ZCWPW2: variants seen among roughly 807,000 people sequenced by gnomAD.
ZCWPW2 encodes zinc finger CW-type PWWP domain protein 2.
Under a neutral mutation model 46.6 loss-of-function variants are expected in ZCWPW2, and 45 were observed. The observed-to-expected ratio is 0.96, with a 90% CI of 0.76 to 1.24. The LOEUF is 1.24. Ranked by LOEUF, ZCWPW2 falls within the 50% of genes most tolerant of loss-of-function variation. ZCWPW2 has a pLI of 0.00. For missense variants in ZCWPW2, 429 were observed against 403.9 expected (o/e 1.06, Z -0.53); for synonymous variants, 152 against 137.1 (o/e 1.11, Z -0.76).
chr3:28,483,915 TATC>T lies in ZCWPW2; in HGVS notation c.610+4987_610+4989del, dbSNP rs548719981. 2.7e-3 allele frequency among the ~76,000 whole-genome samples: 410 copies of T among 152,316 alleles called. 2 individuals carry two copies. Among genetic ancestry groups the T allele is most frequent in the Middle Eastern group, 0.01 (3 of 294 alleles). ...TTTGGATTTACTACATAGACAATCATATCATGTGCAGCGAGAGTTTTATTTCTT... is the reference window on the plus strand; with the variant it reads ...TTTGGATTTACTACATAGACAATCATATGTGCAGCGAGAGTTTTATTTCTT... On this transcript the variant is annotated intron_variant, in intron 5 of 9. Transcript: ENST00000383768.
intron 3 of ZCWPW2, among the ~76,000 whole-genome samples, 176 bp downstream of exon 3, chr3:28,413,576 T>C (rs768729871): frequency 6.6e-5 from 10 of 152,118 alleles, no homozygotes; most frequent in Non-Finnish European, 1.0e-4. Context: ...GAAAGTTAGG[T>C]AACTGAATTC....
chr3:28,509,019 C>A (rs1291985043), intron 6 of ZCWPW2, among the ~76,000 whole-genome samples: 1 of 152,148 alleles, frequency 6.6e-6, no homozygotes, highest in African/African-American at 2.4e-5. Flanking sequence ...TTAGCCATCA[C>A]TGCCCATTTC....
At chr3:28,360,349 C>CAAAAAAAAAAA (rs71087692) in intron 1 of ZCWPW2, among the ~76,000 whole-genome samples, 43 of 53,894 alleles carry the variant, frequency 8.0e-4, no homozygotes, top group African/African-American at 1.0e-3. Context: ...ACTAAAAATA[C>CAAAAAAAAAAA]AAAAAAAAAA....
intron 3 of ZCWPW2, among the ~76,000 whole-genome samples, chr3:28,433,074 A>G (rs1697332711): frequency 6.6e-6 from 1 of 151,310 alleles, no homozygotes. Context: ...CCCCACTTCA[A>G]TAAGCAAAGC....
intron 2 of ZCWPW2, among the ~76,000 whole-genome samples, chr3:28,409,416 G>A (rs1047570255): frequency 1.4e-5 from 2 of 144,240 alleles, no homozygotes; most frequent in African/African-American, 5.8e-5. Flanking sequence ...AACCATGCCC[G>A]GCCACTGTTT....
In ZCWPW2 at chr3:28,376,617, G is replaced by C. The variant is rs567028204; in HGVS notation, c.-133-13881G>C. ...CTGCTCAGTGTTTTCACTTCTCTTT[G>C]GACACAGGGATTGCTTCATCCTCAG... On this transcript the variant is annotated intron_variant, in intron 1 of 9. Transcript: ENST00000383768. 3.9e-5 allele frequency among the ~76,000 whole-genome samples: 6 copies of C among 152,140 alleles called. No individual in the cohort carries two copies. In the East Asian group the frequency reaches 1.2e-3, roughly 29 times the overall value.
At chr3:28,435,051 G>A (rs1415209502) in intron 3 of ZCWPW2, 59 bp from the exon 4 acceptor site, 16 of 1,569,874 alleles carry the variant, frequency 1.0e-5, no homozygotes, top group South Asian at 2.3e-5. Context: ...ATTGATAGAC[G>A]TGTTGATGTC....
At chr3:28,487,012 G>GT (rs898052881) in intron 5 of ZCWPW2, among the ~76,000 whole-genome samples, 5 of 151,254 alleles carry the variant, frequency 3.3e-5, no homozygotes, top group Non-Finnish European at 7.4e-5. Context: ...CTATTGGTAA[G>GT]TTTTTTTTTC....
At chr3:28,455,112 G>A (rs1050685831) in intron 4 of ZCWPW2, among the ~76,000 whole-genome samples, 6 of 152,186 alleles carry the variant, frequency 3.9e-5, no homozygotes, top group Non-Finnish European at 8.8e-5. Context: ...CAGTGTAGAA[G>A]TATTCCCTTT....
intron 2 of ZCWPW2, among the ~76,000 whole-genome samples, chr3:28,400,159 G>T (rs1695864830): frequency 6.6e-6 from 1 of 152,066 alleles, no homozygotes; most frequent in Non-Finnish European, 1.5e-5. Context: ...CTCAGCAATA[G>T]AATGGAACAA....
intron 5 of ZCWPW2, among the ~76,000 whole-genome samples, chr3:28,488,699 T>C (rs536770453): frequency 2.6e-5 from 4 of 152,192 alleles, no homozygotes; most frequent in Non-Finnish European, 4.4e-5. Context: ...GCTCCTCTTT[T>C]GCACTTTAAA....
rs202097455 is a variant in ZCWPW2 at position 28,439,048 on chromosome 3, G to GGT, written c.492+3790_492+3791dup. Among the ~76,000 whole-genome samples the GGT allele has an allele frequency of 7.9e-3, 1,146 of 144,196 alleles. 18 individuals carry two copies. Among genetic ancestry groups the GGT allele is most frequent in the African/African-American group, 0.027 (1,062 of 39,244 alleles). 94.6% of individuals were successfully genotyped at this position (144,196 alleles called of 152,430 possible). A position where few individuals can be genotyped will look rare whatever the true frequency, so the allele number is the denominator to read the frequency against. ...TATATATATCCTAGTATATATCTAT[G>GGT]GTGTGTGTGTGTATATATATGTGTA... On this transcript the variant is annotated intron_variant, in intron 4 of 9. Transcript: ENST00000383768.
intron 4 of ZCWPW2, among the ~76,000 whole-genome samples, chr3:28,466,601 C>T (rs1698833905): frequency 6.6e-6 from 1 of 152,040 alleles, no homozygotes; most frequent in Non-Finnish European, 1.5e-5. Flanking sequence ...AAGTTCAAGA[C>T]CTGCCTGGCC....
At chr3:28,351,115 A>G (rs1704533588) in intron 1 of ZCWPW2, among the ~76,000 whole-genome samples, 1 of 151,264 alleles carries the variant, frequency 6.6e-6, no homozygotes, top group Non-Finnish European at 1.5e-5. Context: ...TTTAATCTGA[A>G]ATTTTCAAAA....
At chr3:28,470,638 GAAGAA>G (rs1699006364) in intron 4 of ZCWPW2, among the ~76,000 whole-genome samples, 1 of 150,584 alleles carries the variant, frequency 6.6e-6, no homozygotes, top group Non-Finnish European at 1.5e-5. Flanking sequence ...AATTAAAAAA[GAAGAA>G]AAGTTTCAAA....
At chr3:28,463,371 C>T (rs1388059068) in intron 4 of ZCWPW2, among the ~76,000 whole-genome samples, 1 of 151,964 alleles carries the variant, frequency 6.6e-6, no homozygotes, top group Non-Finnish European at 1.5e-5. Flanking sequence ...TGGTATTAAC[C>T]CTTGACTTTA....
At chr3:28,477,508 G>A (rs1056157627) in intron 4 of ZCWPW2, among the ~76,000 whole-genome samples, 3 of 152,108 alleles carry the variant, frequency 2.0e-5, no homozygotes, top group Non-Finnish European at 4.4e-5. Context: ...TCATTTTATG[G>A]GTAGTGATGT....
chr3:28,459,187 G>A (rs1329511561), intron 4 of ZCWPW2, among the ~76,000 whole-genome samples: 3 of 151,884 alleles, frequency 2.0e-5, no homozygotes, highest in African/African-American at 4.8e-5. Flanking sequence ...TGGCTAACAC[G>A]GTGAAACCCT....
chr3:28,490,905 A>C (rs1699786408), intron 5 of ZCWPW2, among the ~76,000 whole-genome samples: 2 of 152,146 alleles, frequency 1.3e-5, no homozygotes, highest in Non-Finnish European at 2.9e-5. Flanking sequence ...AATTACATTA[A>C]TTTTTTAAGG....
Sources: gnomAD v4.1 joint callset for allele counts (sites outside exome capture counted in the v4.1 genomes callset) on GRCh38, gnomAD v4.1.1 for gene constraint, MANE v1.5 for transcripts, NCBI Gene and HGNC (gene_info 2026-07-23, HGNC 2026-07-21) for gene names.